Variants in USP9Y observed in about 807,000 individuals in gnomAD.
The protein encoded by USP9Y is ubiquitin carboxyl-terminal hydrolase 9Y.
A neutral mutation model predicts 53.1 loss-of-function variants in USP9Y; 41 were observed. The ratio of observed to expected loss-of-function variants is 0.77; its 90% CI spans 0.60 to 1.00. The LOEUF (loss-of-function observed/expected upper bound fraction) is 1.00, where lower values mean the gene tolerates loss of function less well. Among genes scored for constraint, USP9Y ranks in the 50% least tolerant of loss-of-function variants. USP9Y has a pLI of 0.00. For synonymous variants in USP9Y, 220 were observed against 173.7 expected (o/e 1.27, Z -2.09); for missense variants, 567 against 535.8 (o/e 1.06, Z -0.58).
intron 27 of USP9Y, among the ~76,000 whole-genome samples, chrY:12,793,993 G>A (rs992683321): frequency 4.8e-4 from 16 of 33,343 alleles, no homozygotes; most frequent in Non-Finnish European, 8.9e-4. Flanking sequence ...TATTCTCAGA[G>A]CTATTGAGTA....
chrY:12,856,782 C>A lies in USP9Y; in HGVS notation c.7371C>A (p.Phe2457Leu). ...GCAATGAAACAGCAAATGGTTATTT[C>A]TTAGAAAGATCACATAGTGCTAGGA... ...VQSNETANGY[F>L]LERSHSARMT... The change falls in exon 44 of 46, where the codon TTC becomes TTA. Residue 2457 changes from phenylalanine (F) to leucine (L), a missense_variant. Coordinates refer to ENST00000338981, the MANE Select transcript of USP9Y (RefSeq NM_004654.4). The A allele has an allele frequency of 2.5e-6, 1 of 396,176 alleles. No homozygotes were observed. Among genetic ancestry groups the A allele is most frequent in the Non-Finnish European group, 3.5e-6 (1 of 282,696 alleles).
chrY:12,714,940 C>T (rs980450369), intron 3 of USP9Y, among the ~76,000 whole-genome samples: 11 of 32,019 alleles, frequency 3.4e-4, no homozygotes, highest in African/African-American at 1.4e-3. Flanking sequence ...GTAAGGTATT[C>T]GGGTAGGGGA....
intron 33 of USP9Y, among the ~76,000 whole-genome samples, chrY:12,829,957 C>A (rs2148290959): frequency 3.1e-5 from 1 of 32,725 alleles, no homozygotes; most frequent in Non-Finnish European, 7.5e-5. Context: ...CAGTTTCTTA[C>A]AAACTTATTC....
At chrY:12,815,225 TTTG>T (rs2053535398) in intron 31 of USP9Y, among the ~76,000 whole-genome samples, 1 of 33,918 alleles carries the variant, frequency 2.9e-5, no homozygotes. Flanking sequence ...AGTTTATTTT[TTTG>T]TTGTTGTTTT....
intron 18 of USP9Y, among the ~76,000 whole-genome samples, chrY:12,775,846 TG>T (rs2053492035): frequency 3.1e-5 from 1 of 32,648 alleles, no homozygotes; most frequent in Non-Finnish European, 7.5e-5. Context: ...TCTAGGCATT[TG>T]TTTTTTTTTG....
intron 33 of USP9Y, among the ~76,000 whole-genome samples, chrY:12,824,971 G>A (rs773942603): frequency 2.7e-4 from 9 of 32,955 alleles, no homozygotes; most frequent in African/African-American, 1.1e-3. Flanking sequence ...CTGTAGCCTG[G>A]TCTGGAATGC....
At chrY:12,857,377 T>G in intron 44 of USP9Y, 189 bp from the exon 45 acceptor site, 1 of 115,590 alleles carries the variant, frequency 8.7e-6, no homozygotes, top group African/African-American at 9.5e-5. Context: ...AGTGCTGAGA[T>G]TATAAGCATG....
At chrY:12,848,704 T>C (rs2053569257) in intron 42 of USP9Y, among the ~76,000 whole-genome samples, 1 of 33,546 alleles carries the variant, frequency 3.0e-5, no homozygotes, top group Admixed American at 2.7e-4. Context: ...GCACCACTTA[T>C]TAAATAGGGA....
chrY:12,826,785 CTT>C (rs2053546868), intron 33 of USP9Y, among the ~76,000 whole-genome samples: 1 of 30,372 alleles, frequency 3.3e-5, no homozygotes, highest in Non-Finnish European at 7.9e-5. Context: ...GTTTTTACTT[CTT>C]GTCAGCTTGA....
intron 15 of USP9Y, among the ~76,000 whole-genome samples, chrY:12,762,292 A>G: frequency 3.0e-5 from 1 of 33,459 alleles, no homozygotes; most frequent in African/African-American, 1.2e-4. Context: ...ACTTAACTCC[A>G]ATGATAATTT....
At chrY:12,714,215 T>A in intron 3 of USP9Y, among the ~76,000 whole-genome samples, 1 of 30,736 alleles carries the variant, frequency 3.3e-5, no homozygotes, top group Non-Finnish European at 7.8e-5. Flanking sequence ...AGCCTATTTT[T>A]CTCTGCTCTT....
At chrY:12,794,832 A>G in intron 27 of USP9Y, among the ~76,000 whole-genome samples, 3 of 33,671 alleles carry the variant, frequency 8.9e-5, no homozygotes, top group African/African-American at 3.5e-4. Context: ...CCTTAGGCCA[A>G]TGCCACACTC....
intron 3 of USP9Y, among the ~76,000 whole-genome samples, chrY:12,715,533 T>G: frequency 3.1e-5 from 1 of 32,093 alleles, no homozygotes; most frequent in Non-Finnish European, 7.6e-5. Context: ...AGGCTGCTCT[T>G]GAACTCCTGA....
chrY:12,725,242 A>C lies in USP9Y; in HGVS notation c.438+17A>C, dbSNP rs1569387338. 1 of 343,675 alleles carries C rather than the reference A, an allele frequency of 2.9e-6. No individual in the cohort carries two copies. Among genetic ancestry groups the C allele is most frequent in the Non-Finnish European group, 4.3e-6 (1 of 233,851 alleles). 85.7% of individuals were successfully genotyped at this position (343,675 alleles called of 400,897 possible). The stretch of plus-strand genomic sequence containing the variant: ...GAAATTCATGTGAGTCTTGTATTTC[A>C]TTTCTGGGACTCAGATTTACATGGT... On this transcript the variant is annotated intron_variant, in intron 6 of 45. Transcript: ENST00000338981.
chrY:12,824,191 A>G (rs2053544215), intron 33 of USP9Y, among the ~76,000 whole-genome samples: 1 of 33,100 alleles, frequency 3.0e-5, no homozygotes, highest in Non-Finnish European at 7.4e-5. Context: ...ACACTGTGAT[A>G]ATGTAATTCA....
At position 12,847,061 on chromosome Y, in the gene USP9Y, A is replaced by C. The variant is rs1378264849; in HGVS notation, c.6883A>C (p.Ser2295Arg). 1 of 398,586 alleles carries C rather than the reference A, an allele frequency of 2.5e-6. No homozygotes were observed. Among genetic ancestry groups the C allele is most frequent in the Admixed American group, 7.4e-5 (1 of 13,513 alleles). Residue 2295 changes from serine to arginine, a missense_variant, in exon 41 of 46, where the codon AGT becomes CGT. By Grantham distance (110) the Ser-to-Arg change is moderately radical (BLOSUM62 -1). Coordinates refer to ENST00000338981, the MANE Select transcript of USP9Y (RefSeq NM_004654.4). The part of the protein sequence containing the change: ...SYVKKIIEDC[S>R]NSEDTIKLLR... ...TGTGAAGAAAATTATTGAAGACTGC[A>C]GTAACTCAGAGGATACCATCAAATT... is the stretch of plus-strand genomic sequence containing the variant.
chrY:12,705,222 G>A (rs2053418666), intron 1 of USP9Y, among the ~76,000 whole-genome samples: 1 of 33,285 alleles, frequency 3.0e-5, no homozygotes, highest in Non-Finnish European at 7.5e-5. Flanking sequence ...CTGACCCATT[G>A]GCTCAGAATG....
chrY:12,816,210 G>T lies in USP9Y; in HGVS notation c.4696G>T (p.Ala1566Ser), dbSNP rs774535361. 2 of 398,832 alleles carry T rather than the reference G, an allele frequency of 5.0e-6. No homozygotes were observed. Among genetic ancestry groups the T allele is most frequent in the Non-Finnish European group, 3.5e-6 (1 of 283,514 alleles). The change falls in exon 32 of 46, where the codon GCT becomes TCT. Residue 1566 changes from alanine (A) to serine (S), a missense_variant. Coordinates refer to ENST00000338981, the MANE Select transcript of USP9Y (RefSeq NM_004654.4). The stretch of plus-strand genomic sequence containing the variant: ...ATTTGTGGGACTCAAAAATGCTGGT[G>T]CTACGTGTTACATGAACTCTGTGAT... ...KGFVGLKNAG[A>S]TCYMNSVIQQ...
chrY:12,788,446 T>C (rs774970830), intron 24 of USP9Y, among the ~76,000 whole-genome samples: 2 of 34,034 alleles, frequency 5.9e-5, no homozygotes, highest in African/African-American at 2.3e-4. Flanking sequence ...AAGTAATTGA[T>C]ATTATGTATG....
Sources: gnomAD v4.1 joint callset for allele counts (sites outside exome capture counted in the v4.1 genomes callset) on GRCh38, gnomAD v4.1.1 for gene constraint, MANE v1.5 for transcripts, NCBI Gene and HGNC (gene_info 2026-07-23, HGNC 2026-07-21) for gene names.